OR2T10: variants seen among roughly 807,000 people sequenced by gnomAD.
The protein encoded by OR2T10 is olfactory receptor family 2 subfamily T member 10.
For synonymous variants in OR2T10, 125 were observed against 141.8 expected (o/e 0.88, Z 0.84); for missense variants, 335 against 382.5 (o/e 0.88, Z 1.04).
At position 248,590,691 on chromosome 1, in the gene OR2T10, A is replaced by G. The variant is rs1159478282; in HGVS notation, c.*2139T>C. 2.1e-5 allele frequency: 3 copies of G among 143,068 alleles called. 1 individual carries two copies. Among genetic ancestry groups the G allele is most frequent in the Admixed American group, 1.4e-4 (2 of 14,694 alleles). 8.9% of individuals were successfully genotyped at this position (143,068 alleles called of 1,614,324 possible). The stretch of plus-strand genomic sequence containing the variant: ...TCATTCTTTCGTTGCTTCTTTTAGA[A>G]ATATAAAAATCTATCATTTTTTCAT... On this transcript the variant is annotated 3_prime_UTR_variant, in exon 2 of 2. Coordinates refer to ENST00000642090, the MANE Select transcript of OR2T10 (RefSeq NM_001004693.2).
In OR2T10 at chr1:248,593,779, C is replaced by T. The variant is rs144064356; in HGVS notation, c.-11G>A. ...GTTGGCCAGCCGCATGCTGTATGATCGGCTGAAGTGGCTTTACCTGGAGGA... is the reference window on the plus strand; with the variant it reads ...GTTGGCCAGCCGCATGCTGTATGATTGGCTGAAGTGGCTTTACCTGGAGGA... On this transcript the variant is annotated 5_prime_UTR_variant, in exon 2 of 2. Coordinates refer to ENST00000642090, the MANE Select transcript of OR2T10 (RefSeq NM_001004693.2). 611 of 1,457,058 alleles carry T rather than the reference C, an allele frequency of 4.2e-4. 54 individuals are homozygous for T. Among genetic ancestry groups the T allele is most frequent in the Admixed American group, 1.2e-3 (67 of 56,832 alleles). 90.3% of individuals were successfully genotyped at this position (1,457,058 alleles called of 1,614,324 possible). A position where few individuals can be genotyped will look rare whatever the true frequency, so the allele number is the denominator to read the frequency against.
In OR2T10 at chr1:248,593,730, GA is replaced by G; in HGVS notation, c.38del (p.Phe13SerfsTer24). On this transcript the variant is annotated frameshift_variant, in exon 2 of 2. Coordinates refer to ENST00000642090, the MANE Select transcript of OR2T10 (RefSeq NM_001004693.2). LOFTEE classifies it low-confidence loss of function (END_TRUNC). Reference protein sequence around the residue: ...LANQTLGGDFFLLGIFSQISH... With the variant: ...LANQTLGGDFXLLGIFSQISH... ...AGATCTGGCTGAAGATTCCCAACAGGAAAAAGTCACCACCCAGGGTCTGGTT... is the reference window on the plus strand; with the variant it reads ...AGATCTGGCTGAAGATTCCCAACAGGAAAAGTCACCACCCAGGGTCTGGTT... The G allele has an allele frequency of 1.9e-6, 3 of 1,565,932 alleles. No homozygotes were observed. The highest frequency in any genetic ancestry group is 2.6e-6 in the Non-Finnish European group (3 of 1,152,862).
At position 248,593,004 on chromosome 1, in the gene OR2T10, A is replaced by T. The variant is rs143228008; in HGVS notation, c.765T>A (p.Ala255=). The T allele has an allele frequency of 6.4e-7, 1 of 1,573,028 alleles. No homozygotes were observed. The highest frequency in any genetic ancestry group is 8.6e-7 in the Non-Finnish European group (1 of 1,156,776). The change falls in exon 2 of 2, where the codon GCT becomes GCA. Residue 255 remains alanine (A), a synonymous_variant. Coordinates refer to ENST00000642090, the MANE Select transcript of OR2T10 (RefSeq NM_001004693.2). ...AGCTGGGGAGCATGTAGTTGTAAAT[A>T]GCAGCTCCATAGAAGAGGCTGACCA... is the stretch of plus-strand genomic sequence containing the variant. ...ITVVSLFYGA[A]IYNYMLPSSY...
At position 248,593,241 on chromosome 1, in the gene OR2T10, G is replaced by T; in HGVS notation, c.528C>A (p.His176Gln). ...AAACAGCAGGGACCTCACAGAAGAA[G>T]TGCTGAATCTCATGGGATCTGCAGA... is the stretch of plus-strand genomic sequence containing the variant. ...FPFCRSHEIQ[H>Q]FFCEVPAVLK... The change falls in exon 2 of 2, where the codon CAC (histidine) becomes CAA (glutamine). Residue 176 changes from histidine to glutamine, a missense_variant. Coordinates refer to ENST00000642090, the MANE Select transcript of OR2T10 (RefSeq NM_001004693.2). The T allele has an allele frequency of 5.1e-6, 8 of 1,573,978 alleles. No homozygotes were observed. Among genetic ancestry groups the T allele is most frequent in the Non-Finnish European group, 6.9e-6 (8 of 1,157,210 alleles).
intron 1 of OR2T10, among the ~76,000 whole-genome samples, chr1:248,596,535 G>A (rs1162633007): frequency 7.0e-6 from 1 of 143,128 alleles, no homozygotes; most frequent in Non-Finnish European, 1.5e-5. Flanking sequence ...CAAGGGGACT[G>A]AGTCCATAAG....
At chr1:248,593,842 G>C in intron 1 of OR2T10, 46 bp from the exon 2 acceptor site, 1 of 734,550 alleles carries the variant, frequency 1.4e-6, no homozygotes, top group Non-Finnish European at 2.2e-6. Context: ...TGTGTACCAC[G>C]TAAAAGTATG....
Position 248,591,576 on chromosome 1 carries a change from G to A in OR2T10, c.*1254C>T, listed in dbSNP as rs972723449. 3.5e-5 allele frequency: 5 copies of A among 143,570 alleles called. No individual in the cohort carries two copies. Among genetic ancestry groups the A allele is most frequent in the Non-Finnish European group, 7.5e-5 (5 of 66,314 alleles). 8.9% of individuals were successfully genotyped at this position (143,570 alleles called of 1,614,324 possible). ...GTACTTACAGATAAAAAAACATTCC[G>A]AAGAGAGGGAAAGCCACGTGAAAAC... is the stretch of plus-strand genomic sequence containing the variant. On this transcript the variant is annotated 3_prime_UTR_variant, in exon 2 of 2. Coordinates refer to ENST00000642090, the MANE Select transcript of OR2T10 (RefSeq NM_001004693.2).
rs554861987 is a variant in OR2T10, at chr1:248,593,479, C to G, written c.290G>C (p.Cys97Ser). ...AKDKTISVLG[C>S]GTQMYFYLQL... is the part of the protein sequence containing the mutation. ...CAGGTAGAAGTACATCTGGGTGCCA[C>G]ACCCAAGGACCGAGATGGTCTTGTC... The change falls in exon 2 of 2, where the codon TGT (cysteine) becomes TCT (serine). Residue 97 changes from cysteine (C) to serine (S), a missense_variant. Physicochemically the swap from Cys to Ser is moderately radical, Grantham distance 112. Coordinates refer to ENST00000642090, the MANE Select transcript of OR2T10 (RefSeq NM_001004693.2). The G allele has an allele frequency of 2.5e-6, 4 of 1,572,866 alleles. No homozygotes were observed. In the South Asian group the frequency reaches 3.4e-5, roughly 13 times the overall value.
rs969436140 is a variant in OR2T10, at chr1:248,591,482, T to TTGAA, written c.*1344_*1347dup. 1 of 144,230 alleles carries TTGAA rather than the reference T, an allele frequency of 6.9e-6. No homozygotes were observed. Among genetic ancestry groups the TTGAA allele is most frequent in the South Asian group, 2.2e-4 (1 of 4,630 alleles). 8.9% of individuals were successfully genotyped at this position (144,230 alleles called of 1,614,324 possible). ...ACTATAGGGGCTCAGTAGTTATTTG[T>TTGAA]TGAATGAATGAATGACTTGGGGCCT... On this transcript the variant is annotated 3_prime_UTR_variant, in exon 2 of 2. Coordinates refer to ENST00000642090, the MANE Select transcript of OR2T10 (RefSeq NM_001004693.2).
At chr1:248,595,074 C>T (rs1401839376) in intron 1 of OR2T10, 1 of 143,200 alleles carries the variant, frequency 7.0e-6, no homozygotes, top group Non-Finnish European at 1.5e-5. Flanking sequence ...CAATTAATCA[C>T]CTTGTAATAG....
Position 248,593,019 on chromosome 1 carries a change from G to C in OR2T10, c.750C>G (p.Leu250=), listed in dbSNP as rs1289565485. ...AGTTGTAAATAGCAGCTCCATAGAA[G>C]AGGCTGACCACTGTAATGTGGGAGG... ...TCSSHITVVS[L]FYGAAIYNYM... Residue 250 remains leucine, a synonymous_variant, in exon 2 of 2, where the codon CTC becomes CTG. Transcript: ENST00000642090. 6.4e-7 allele frequency: 1 copy of C among 1,572,822 alleles called. No individual in the cohort carries two copies. The highest frequency in any genetic ancestry group is 1.7e-5 in the Admixed American group (1 of 58,362).
rs1247254839 is a variant in OR2T10, at chr1:248,592,000, T to C, written c.*830A>G. Reference sequence around the variant, plus strand: ...TACGTAAAACTGTGATTTGAAATTATATTCTAAGTATGTGTCACCATTGGC... The same window carrying C: ...TACGTAAAACTGTGATTTGAAATTACATTCTAAGTATGTGTCACCATTGGC... On this transcript the variant is annotated 3_prime_UTR_variant, in exon 2 of 2. Transcript: ENST00000642090. 2 of 144,330 alleles carry C rather than the reference T, an allele frequency of 1.4e-5. No homozygotes were observed. The highest frequency in any genetic ancestry group is 5.4e-5 in the African/African-American group (2 of 36,886). The allele number at this position is 144,330 out of a possible 1,614,324, so 8.9% of individuals were successfully genotyped here.
chr1:248,594,072 T>TAAAA (rs1401164384), intron 1 of OR2T10, among the ~76,000 whole-genome samples: 2 of 140,790 alleles, frequency 1.4e-5, no homozygotes, highest in African/African-American at 5.9e-5. Context: ...TATTTTTACT[T>TAAAA]ATATATGTTC....
rs61997185 is a variant in OR2T10, at chr1:248,593,133, C to T, written c.636G>A (p.Thr212=). Residue 212 remains threonine, a synonymous_variant, in exon 2 of 2, where the codon ACG becomes ACA. Coordinates refer to ENST00000642090, the MANE Select transcript of OR2T10 (RefSeq NM_001004693.2). ...CCVIMLLIPV[T]VISVSYYYII... The stretch of plus-strand genomic sequence containing the variant: ...TATAGTAGTAAGACACTGAAATGAC[C>T]GTCACAGGTATCAGGAGCATGATGA... 34 of 1,572,544 alleles carry T rather than the reference C, an allele frequency of 2.2e-5. 4 individuals are homozygous for T. Among genetic ancestry groups the T allele is most frequent in the African/African-American group, 2.0e-4 (13 of 66,500 alleles).
chr1:248,590,981 GAT>G lies in OR2T10; in HGVS notation c.*1847_*1848del, dbSNP rs1306833023. 1 of 143,588 alleles carries G rather than the reference GAT, an allele frequency of 7.0e-6. No individual in the cohort carries two copies. The highest frequency in any genetic ancestry group is 2.0e-4 in the East Asian group (1 of 5,008). 8.9% of individuals were successfully genotyped at this position (143,588 alleles called of 1,614,324 possible). The stretch of plus-strand genomic sequence containing the variant: ...CTTATATTTCTGAGTTTACTTTTGA[GAT>G]AATTTTTCTATGGCTGAAGAATTTT... On this transcript the variant is annotated 3_prime_UTR_variant, in exon 2 of 2. Transcript: ENST00000642090.
At chr1:248,595,462 T>A (rs529795022) in intron 1 of OR2T10, among the ~76,000 whole-genome samples, 1 of 143,478 alleles carries the variant, frequency 7.0e-6, no homozygotes, top group African/African-American at 2.7e-5. Flanking sequence ...TTATTTCAAA[T>A]ATCTTGCCCT....
Position 248,590,773 on chromosome 1 carries a change from C to G in OR2T10, c.*2057G>C, listed in dbSNP as rs1333889132. ...CATTACAGCATGTACTCTTGATTTA[C>G]TAAAGTTTAACACAAATTACTACCT... On this transcript the variant is annotated 3_prime_UTR_variant, in exon 2 of 2. Coordinates refer to ENST00000642090, the MANE Select transcript of OR2T10 (RefSeq NM_001004693.2). 2 of 143,330 alleles carry G rather than the reference C, an allele frequency of 1.4e-5. No individual in the cohort carries two copies. The highest frequency in any genetic ancestry group is 3.0e-5 in the Non-Finnish European group (2 of 66,264). 8.9% of individuals were successfully genotyped at this position (143,330 alleles called of 1,614,324 possible).
rs376797362 is a variant in OR2T10 at position 248,592,906 on chromosome 1, A to G, written c.863T>C (p.Ile288Thr). Residue 288 changes from isoleucine (I) to threonine (T), a missense_variant, in exon 2 of 2, where the codon ATC becomes ACC. Coordinates refer to ENST00000642090, the MANE Select transcript of OR2T10 (RefSeq NM_001004693.2). ...ATCCTTATTCCTGAAACTGTAAATG[A>G]TAGGATTCAAGACAGGTGTAAGGAT... is the stretch of plus-strand genomic sequence containing the variant. Reference protein sequence around the residue: ...YTILTPVLNPIIYSFRNKDVT... With the variant: ...YTILTPVLNPTIYSFRNKDVT... The G allele has an allele frequency of 1.3e-6, 2 of 1,568,512 alleles. 1 individual carries two copies. The highest frequency in any genetic ancestry group is 3.0e-5 in the African/African-American group (2 of 66,696).
At position 248,593,100 on chromosome 1, in the gene OR2T10, G is replaced by A; in HGVS notation, c.669C>T (p.Leu223=). 6.4e-7 allele frequency: 1 copy of A among 1,572,792 alleles called. No homozygotes were observed. The highest frequency in any genetic ancestry group is 8.6e-7 in the Non-Finnish European group (1 of 1,156,592). Residue 223 remains leucine (L), a synonymous_variant, in exon 2 of 2, where the codon CTC becomes CTT. Coordinates refer to ENST00000642090, the MANE Select transcript of OR2T10 (RefSeq NM_001004693.2). ...VISVSYYYII[L]TIHKMNSVEG... Reference sequence around the variant, plus strand: ...CAACTGAGTTCATCTTATGGATGGTGAGGATGATATAGTAGTAAGACACTG... The same window carrying A: ...CAACTGAGTTCATCTTATGGATGGTAAGGATGATATAGTAGTAAGACACTG...
Sources: allele counts gnomAD v4.1 joint callset (sites outside exome capture counted in the v4.1 genomes callset), GRCh38; gene constraint gnomAD v4.1.1; transcripts MANE v1.5; gene names NCBI Gene and HGNC (gene_info 2026-07-23, HGNC 2026-07-21).